LGR4: variants seen among roughly 807,000 people sequenced by gnomAD.
The protein encoded by LGR4 is leucine rich repeat containing G protein-coupled receptor 4.
A neutral mutation model predicts 84.8 loss-of-function variants in LGR4; 44 were observed. The ratio of observed to expected loss-of-function variants is 0.52; its 90% CI spans 0.41 to 0.67. The LOEUF is 0.67. LGR4 is among the 30% of genes least tolerant of loss of function. LGR4 has a pLI of 0.00. For missense variants in LGR4, 1,032 were observed against 1,131.4 expected, an observed-to-expected ratio of 0.91 and a Z score of 1.26; for synonymous variants, 429 against 434.3, an observed-to-expected ratio of 0.99 and a Z score of 0.15.
At chr11:27,403,376 C>G (rs891154982) in intron 2 of LGR4, among the ~76,000 whole-genome samples, 1 of 152,074 alleles carries the variant, frequency 6.6e-6, no homozygotes, top group Non-Finnish European at 1.5e-5. Context: ...CTCTTGAGCC[C>G]GTGAGGTCAA....
intron 1 of LGR4, among the ~76,000 whole-genome samples, chr11:27,446,496 C>T (rs1864392751): frequency 6.6e-6 from 1 of 152,176 alleles, no homozygotes; most frequent in Non-Finnish European, 1.5e-5. Context: ...TACCATCTCA[C>T]ACCAGTTAGA....
At position 27,472,207 on chromosome 11, in the gene LGR4, G is replaced by T; in HGVS notation, c.96C>A (p.Pro32=). ...CCCGACGGTCGCCGTCGCAGCTGCAGGGCGCCGCGCAGAGAGGCGGCGCCG... is the reference window on the plus strand; with the variant it reads ...CCCGACGGTCGCCGTCGCAGCTGCATGGCGCCGCGCAGAGAGGCGGCGCCG... ...SGAAPPLCAA[P]CSCDGDRRVD... is the part of the protein sequence containing the mutation. The change falls in exon 1 of 18, where the codon CCC becomes CCA. Residue 32 remains proline, a synonymous_variant. Coordinates refer to ENST00000379214, the MANE Select transcript of LGR4 (RefSeq NM_018490.5). The T allele has an allele frequency of 7.1e-7, 1 of 1,399,624 alleles. No homozygotes were observed. The highest frequency in any genetic ancestry group is 9.3e-7 in the Non-Finnish European group (1 of 1,076,854). 86.7% of individuals were successfully genotyped at this position (1,399,624 alleles called of 1,614,324 possible).
chr11:27,454,026 C>T (rs537407897), intron 1 of LGR4, among the ~76,000 whole-genome samples: 44 of 152,216 alleles, frequency 2.9e-4, no homozygotes, highest in Non-Finnish European at 6.0e-4. Flanking sequence ...CTCTTTGAAG[C>T]CTGCTACCTG....
At chr11:27,409,086 A>C (rs1863663148) in intron 2 of LGR4, among the ~76,000 whole-genome samples, 1 of 152,172 alleles carries the variant, frequency 6.6e-6, no homozygotes, top group East Asian at 1.9e-4. Context: ...AAAAAGAAGG[A>C]GGAAAAAAAG....
rs751529602 is a variant in LGR4 at position 27,412,772 on chromosome 11, C to T, written c.257+17G>A. 6 of 1,453,548 alleles carry T rather than the reference C, an allele frequency of 4.1e-6. No individual in the cohort carries two copies. In the South Asian group the frequency reaches 6.8e-5, roughly 17 times the overall value. 90.0% of individuals were successfully genotyped at this position (1,453,548 alleles called of 1,614,324 possible). A position where few individuals can be genotyped will look rare whatever the true frequency, so the allele number is the denominator to read the frequency against. On this transcript the variant is annotated intron_variant, in intron 2 of 17. Coordinates refer to ENST00000379214, the MANE Select transcript of LGR4 (RefSeq NM_018490.5). ...GGGAAAAAGACATACACACACATTT[C>T]TCAAAGTAATACTTACAGCTCTTCT...
intron 1 of LGR4, among the ~76,000 whole-genome samples, chr11:27,452,956 C>A (rs1864512730): frequency 6.6e-6 from 1 of 152,070 alleles, no homozygotes; most frequent in Non-Finnish European, 1.5e-5. Flanking sequence ...ATTTATTCTG[C>A]CACATTGACT....
chr11:27,454,586 C>G (rs1054872126), intron 1 of LGR4, among the ~76,000 whole-genome samples: 6 of 151,952 alleles, frequency 3.9e-5, no homozygotes, highest in East Asian at 1.9e-4. Flanking sequence ...ATGGTGAAAC[C>G]CTGTCTCTAC....
rs567672486 is a variant in LGR4 at position 27,366,902 on chromosome 11, G to A, written c.*965C>T. ...GTACTTCGTGTCATAATTACTCCCC[G>A]TTTCGTCTAATTAAATGCAAGTATT... On this transcript the variant is annotated 3_prime_UTR_variant, in exon 18 of 18. Transcript: ENST00000379214. The A allele has an allele frequency of 2.0e-5, 3 of 152,088 alleles. No homozygotes were observed. Among genetic ancestry groups the A allele is most frequent in the Non-Finnish European group, 2.9e-5 (2 of 67,972 alleles). 9.4% of individuals were successfully genotyped at this position (152,088 alleles called of 1,614,324 possible). A position where few individuals can be genotyped will look rare whatever the true frequency, so the allele number is the denominator to read the frequency against.
At chr11:27,378,987 T>A (rs1002328212) in intron 10 of LGR4, 3 of 534,404 alleles carry the variant, frequency 5.6e-6, no homozygotes, top group African/African-American at 3.9e-5. Context: ...TGACATTAGA[T>A]GTTGATACTG....
chr11:27,379,355 C>G (rs1565071951), intron 10 of LGR4, among the ~76,000 whole-genome samples: 2 of 152,100 alleles, frequency 1.3e-5, no homozygotes, highest in Non-Finnish European at 2.9e-5. Context: ...GATTAAAGAC[C>G]TGGAGCTGTC....
chr11:27,391,393 C>T (rs573689168), intron 3 of LGR4, among the ~76,000 whole-genome samples: 2 of 152,142 alleles, frequency 1.3e-5, no homozygotes, highest in South Asian at 4.2e-4. Flanking sequence ...TGCCCTAATA[C>T]AGACTTGCTG....
intron 1 of LGR4, among the ~76,000 whole-genome samples, chr11:27,436,928 T>C (rs1424754223): frequency 1.3e-5 from 2 of 151,964 alleles, no homozygotes; most frequent in South Asian, 4.2e-4. Context: ...TGAAGGGAGA[T>C]GGAGGGATTT....
intron 1 of LGR4, among the ~76,000 whole-genome samples, chr11:27,456,506 C>T (rs1413466897): frequency 2.6e-5 from 4 of 152,166 alleles, no homozygotes; most frequent in Non-Finnish European, 4.4e-5. Context: ...TGGAAACCAT[C>T]ATACTGCACA....
chr11:27,452,337 A>T (rs191046335), intron 1 of LGR4, among the ~76,000 whole-genome samples: 236 of 152,284 alleles, frequency 1.5e-3, no homozygotes, highest in Non-Finnish European at 2.9e-3. Flanking sequence ...AGCTTTTCCC[A>T]ATGGCAACAT....
At chr11:27,397,934 A>G (rs1472195949) in intron 2 of LGR4, among the ~76,000 whole-genome samples, 1 of 152,234 alleles carries the variant, frequency 6.6e-6, no homozygotes, top group African/African-American at 2.4e-5. Context: ...AGGGCAGAGG[A>G]GAAGCAAAAA....
chr11:27,458,542 G>C (rs941493046), intron 1 of LGR4, among the ~76,000 whole-genome samples: 3 of 151,336 alleles, frequency 2.0e-5, no homozygotes, highest in African/African-American at 7.3e-5. Context: ...ATTTTTTTAA[G>C]TATTTTTTTT....
intron 13 of LGR4, among the ~76,000 whole-genome samples, chr11:27,375,874 T>C (rs1356284168): frequency 6.6e-6 from 1 of 152,202 alleles, no homozygotes; most frequent in African/African-American, 2.4e-5. Flanking sequence ...GTAAAAAATA[T>C]TGAAAGATTA....
chr11:27,463,735 G>T (rs897915833), intron 1 of LGR4, among the ~76,000 whole-genome samples: 2 of 151,922 alleles, frequency 1.3e-5, no homozygotes, highest in African/African-American at 4.8e-5. Flanking sequence ...GCAGTGAACC[G>T]AGATCGTGCC....
chr11:27,423,834 T>C (rs1249791654), intron 1 of LGR4, among the ~76,000 whole-genome samples: 2 of 152,250 alleles, frequency 1.3e-5, no homozygotes, highest in African/African-American at 4.8e-5. Flanking sequence ...AAATTCTTTT[T>C]AATTTTTGCA....
Sources: allele counts gnomAD v4.1 joint callset (sites outside exome capture counted in the v4.1 genomes callset), GRCh38; gene constraint gnomAD v4.1.1; transcripts MANE v1.5; gene names NCBI Gene and HGNC (gene_info 2026-07-23, HGNC 2026-07-21).